The following IL36RN variants were observed in gnomAD, a reference collection of about 807,000 sequenced individuals.
The protein encoded by IL36RN is interleukin-36 receptor antagonist protein.
Under a neutral mutation model 13.0 loss-of-function variants are expected in IL36RN, and 11 were observed. The ratio of observed to expected loss-of-function variants is 0.85; its 90% CI spans 0.53 to 1.40. The LOEUF (loss-of-function observed/expected upper bound fraction) is 1.40, where lower values mean the gene tolerates loss of function less well. IL36RN is among the 40% of genes most tolerant of loss of function. The pLI, the probability that IL36RN is intolerant of heterozygous loss-of-function variation, is 0.00. For missense variants in IL36RN, 195 were observed against 195.3 expected (o/e 1.00, Z 0.01); for synonymous variants, 94 against 84.1 (o/e 1.12, Z -0.64).
rs1685695509 is a variant in IL36RN, at chr2:113,064,043, T to C, written c.*1366T>C. 1 of 152,182 alleles carries C rather than the reference T, an allele frequency of 6.6e-6. No individual in the cohort carries two copies. The highest frequency in any genetic ancestry group is 2.4e-5 in the African/African-American group (1 of 41,440). The allele number at this position is 152,182 out of a possible 1,614,324, so 9.4% of individuals were successfully genotyped here. A position where few individuals can be genotyped will look rare whatever the true frequency, so the allele number is the denominator to read the frequency against. The stretch of plus-strand genomic sequence containing the variant: ...AAATTCAATATGACTGGTTTCCTTG[T>C]ATGAAAAGGAGAGGACACAGAGACA... On this transcript the variant is annotated 3_prime_UTR_variant, in exon 5 of 5. Transcript: ENST00000393200.
chr2:113,059,255 C>T lies in IL36RN; in HGVS notation c.-28+14C>T, dbSNP rs1325485467. On this transcript the variant is annotated intron_variant, in intron 1 of 4. Transcript: ENST00000393200. ...GAACATTCTGAGGTATGCTCTGGGG[C>T]GCTGGTGGTACCGGAGCTCTCTCCT... 5 of 683,386 alleles carry T rather than the reference C, an allele frequency of 7.3e-6. No homozygotes were observed. The highest frequency in any genetic ancestry group is 2.7e-5 in the East Asian group (1 of 36,794). The allele number at this position is 683,386 out of a possible 1,614,324, so 42.3% of individuals were successfully genotyped here.
At position 113,063,646 on chromosome 2, in the gene IL36RN, C is replaced by T. The variant is rs1184493235; in HGVS notation, c.*969C>T. 2.0e-5 allele frequency: 3 copies of T among 152,312 alleles called. No individual in the cohort carries two copies. The South Asian group carries it at 6.2e-4, about 32-fold the overall frequency. The allele number at this position is 152,312 out of a possible 1,614,324, so 9.4% of individuals were successfully genotyped here. A position where few individuals can be genotyped will look rare whatever the true frequency, so the allele number is the denominator to read the frequency against. On this transcript the variant is annotated 3_prime_UTR_variant, in exon 5 of 5. Transcript: ENST00000393200. ...AGTAGACATCATCTCTGATTGTCCTCAGCCTCCACTTCCCCAGAGTAAATT... is the reference window on the plus strand; with the variant it reads ...AGTAGACATCATCTCTGATTGTCCTTAGCCTCCACTTCCCCAGAGTAAATT...
intron 3 of IL36RN, 92 bp from the exon 4 acceptor site, chr2:113,062,032 C>T (rs968761895): frequency 1.5e-5 from 23 of 1,537,672 alleles, no homozygotes; most frequent in South Asian, 3.5e-5. Context: ...GGGGGCAGGC[C>T]GTCTTACAGC....
In IL36RN at chr2:113,062,866, C is replaced by T; in HGVS notation, c.*189C>T. On this transcript the variant is annotated 3_prime_UTR_variant, in exon 5 of 5. Coordinates refer to ENST00000393200, the MANE Select transcript of IL36RN (RefSeq NM_012275.3). Reference sequence around the variant, plus strand: ...TGAGATTTGGAGCTCAGTCCACGGTCCTCCCCCACTGGATGGTGCTACTGC... The same window carrying T: ...TGAGATTTGGAGCTCAGTCCACGGTTCTCCCCCACTGGATGGTGCTACTGC... 1.5e-6 allele frequency: 1 copy of T among 653,362 alleles called. No individual in the cohort carries two copies. The highest frequency in any genetic ancestry group is 2.8e-6 in the Non-Finnish European group (1 of 361,708). The allele number at this position is 653,362 out of a possible 1,614,324, so 40.5% of individuals were successfully genotyped here. A position where few individuals can be genotyped will look rare whatever the true frequency, so the allele number is the denominator to read the frequency against.
chr2:113,062,041 G>C (rs1685651602), intron 3 of IL36RN, 83 bp from the exon 4 acceptor site: 1 of 1,560,808 alleles, frequency 6.4e-7, no homozygotes, highest in South Asian at 1.2e-5. Flanking sequence ...CCGTCTTACA[G>C]CAGTCCTGTG....
chr2:113,062,405 T>C, intron 4 of IL36RN, 48 bp from the exon 5 acceptor site: 1 of 1,609,142 alleles, frequency 6.2e-7, no homozygotes, highest in African/African-American at 1.3e-5. Flanking sequence ...CAGCCCTCCC[T>C]CTGCCCCTGC....
At chr2:113,060,074 A>T (rs1388018439) in intron 2 of IL36RN, among the ~76,000 whole-genome samples, 1 of 152,178 alleles carries the variant, frequency 6.6e-6, no homozygotes, top group African/African-American at 2.4e-5. Flanking sequence ...TGATCAAGTA[A>T]ATGCAGGGAA....
rs527858769 is a variant in IL36RN, at chr2:113,059,947, ATGAGAG to A, written c.29+483_29+488del. On this transcript the variant is annotated intron_variant, in intron 2 of 4. Coordinates refer to ENST00000393200, the MANE Select transcript of IL36RN (RefSeq NM_012275.3). ...CGTGTTCTGGGCTTTACAACAGAGG[ATGAGAG>A]TGGTCCTTTCTCTCAGTCTAATAAA... Among the ~76,000 whole-genome samples the A allele has an allele frequency of 1.5e-4, 23 of 152,330 alleles. No individual in the cohort carries two copies. In the South Asian group the frequency reaches 4.4e-3, roughly 29 times the overall value.
In IL36RN at chr2:113,059,456, G is replaced by A. The variant is rs577280688; in HGVS notation, c.18G>A (p.Ala6=). The change falls in exon 2 of 5, where the codon GCG becomes GCA. Residue 6 remains alanine (A), a synonymous_variant. Coordinates refer to ENST00000393200, the MANE Select transcript of IL36RN (RefSeq NM_012275.3). MVLSG[A]LCFRMKDSAL... ...AGCTCAAGATGGTCCTGAGTGGGGCGCTGTGCTTCCGGTGAGTGTATGAGG... is the reference window on the plus strand; with the variant it reads ...AGCTCAAGATGGTCCTGAGTGGGGCACTGTGCTTCCGGTGAGTGTATGAGG... 7.1e-5 allele frequency: 114 copies of A among 1,613,916 alleles called. 1 individual carries two copies. The South Asian group carries it at 1.1e-3, about 16-fold the overall frequency.
chr2:113,059,409 T>C lies in IL36RN; in HGVS notation c.-27-3T>C, dbSNP rs1215777665. 2 of 1,613,168 alleles carry C rather than the reference T, an allele frequency of 1.2e-6. No homozygotes were observed. The highest frequency in any genetic ancestry group is 8.5e-7 in the Non-Finnish European group (1 of 1,179,592). On this transcript the variant is annotated splice_polypyrimidine_tract_variant and splice_region_variant and intron_variant, in intron 1 of 4. Transcript: ENST00000393200. ...TGATTTTCTGTTGTTTATTCCAAAA[T>C]AGGGGAGTCTACACCCTGTGGAGCT...
At chr2:113,062,058 A>T in intron 3 of IL36RN, 66 bp from the exon 4 acceptor site, 2 of 1,582,454 alleles carry the variant, frequency 1.3e-6, no homozygotes, top group Non-Finnish European at 1.7e-6. Flanking sequence ...TGTGCCCTAG[A>T]GCCCAGGACA....
intron 2 of IL36RN, among the ~76,000 whole-genome samples, chr2:113,060,138 G>A (rs1685611280): frequency 1.3e-5 from 1 of 77,232 alleles, no homozygotes; most frequent in South Asian, 1.2e-3. Flanking sequence ...CAGCATATGA[G>A]TGACTCTGAG....
chr2:113,062,900 C>T lies in IL36RN; in HGVS notation c.*223C>T. On this transcript the variant is annotated 3_prime_UTR_variant, in exon 5 of 5. Transcript: ENST00000393200. ...CTGGATGGTGCTACTGCTGTGGAAT[C>T]TTGTAAAAACCATGTGGGGTAAACT... The T allele has an allele frequency of 1.7e-6, 1 of 573,986 alleles. No homozygotes were observed. The highest frequency in any genetic ancestry group is 2.0e-5 in the South Asian group (1 of 51,074). The allele number at this position is 573,986 out of a possible 1,614,324, so 35.6% of individuals were successfully genotyped here.
At chr2:113,061,757 A>C (rs2515398) in intron 3 of IL36RN, among the ~76,000 whole-genome samples, 104,841 of 151,912 alleles carry the variant, frequency 0.69, 37,019 homozygotes, top group East Asian at 0.93. Context: ...TCTCAGCAAC[A>C]TCACAGGGTG....
chr2:113,062,545 G>C lies in IL36RN; in HGVS notation c.336G>C (p.Glu112Asp). ...ACATGGGGCTCACCTCCAGCTTCGAGTCGGCTGCCTACCCGGGCTGGTTCC... is the reference window on the plus strand; with the variant it reads ...ACATGGGGCTCACCTCCAGCTTCGACTCGGCTGCCTACCCGGGCTGGTTCC... ...RRDMGLTSSF[E>D]SAAYPGWFLC... Residue 112 changes from glutamate (E) to aspartate (D), a missense_variant, in exon 5 of 5, where the codon GAG becomes GAC. Coordinates refer to ENST00000393200, the MANE Select transcript of IL36RN (RefSeq NM_012275.3). The C allele has an allele frequency of 6.2e-7, 1 of 1,614,058 alleles. No homozygotes were observed. Among genetic ancestry groups the C allele is most frequent in the Non-Finnish European group, 8.5e-7 (1 of 1,180,026 alleles).
At chr2:113,062,314 C>A (rs1276252529) in intron 4 of IL36RN, 63 bp downstream of exon 4, 5 of 1,607,030 alleles carry the variant, frequency 3.1e-6, no homozygotes, top group African/African-American at 1.3e-5. Context: ...TGAAGCCGGG[C>A]AGCCCACAGC....
Position 113,062,151 on chromosome 2 carries a change from G to A in IL36RN, c.143G>A (p.Arg48Gln), listed in dbSNP as rs766851347. The change falls in exon 4 of 5, where the codon CGG (arginine) becomes CAG (glutamine). Residue 48 changes from arginine (R) to glutamine (Q), a missense_variant. Transcript: ENST00000393200. The part of the protein sequence containing the change: ...KGEEISVVPN[R>Q]WLDASLSPVI... ...GAAGAGATCAGCGTGGTCCCCAATCGGTGGCTGGATGCCAGCCTGTCCCCC... is the reference window on the plus strand; with the variant it reads ...GAAGAGATCAGCGTGGTCCCCAATCAGTGGCTGGATGCCAGCCTGTCCCCC... 3.7e-6 allele frequency: 6 copies of A among 1,613,926 alleles called. No homozygotes were observed. Among genetic ancestry groups the A allele is most frequent in the South Asian group, 1.1e-5 (1 of 91,080 alleles).
chr2:113,061,132 G>A (rs941246073), intron 3 of IL36RN, among the ~76,000 whole-genome samples, 195 bp downstream of exon 3: 5 of 152,160 alleles, frequency 3.3e-5, no homozygotes, highest in Admixed American at 6.5e-5. Context: ...ACAGGCTCTG[G>A]GGCCACCTGA....
chr2:113,059,384 T>C (rs1685593502), intron 1 of IL36RN, 28 bp from the exon 2 acceptor site: 3 of 1,605,476 alleles, frequency 1.9e-6, no homozygotes, highest in Admixed American at 3.3e-5. Context: ...TCTCTCTCCA[T>C]GATTTTCTGT....
Sources: allele counts gnomAD v4.1 joint callset (sites outside exome capture counted in the v4.1 genomes callset), GRCh38; gene constraint gnomAD v4.1.1; transcripts MANE v1.5; gene names NCBI Gene and HGNC (gene_info 2026-07-23, HGNC 2026-07-21).